Variants in GRM5 observed in about 807,000 individuals in gnomAD.
GRM5 encodes the protein glutamate metabotropic receptor 5, also known as metabotropic glutamate receptor 5.
GRM5 carries 19 observed loss-of-function variants against 83.1 expected under a neutral mutation model. That is an observed-to-expected ratio of 0.23 (90% CI 0.16 to 0.34). The LOEUF (loss-of-function observed/expected upper bound fraction) is 0.34. Ranked by LOEUF, GRM5 falls within the 10% of genes least tolerant of loss-of-function variation. GRM5 has a pLI of 1.00. For synonymous variants in GRM5, 675 were observed against 633.6 expected, an observed-to-expected ratio of 1.07 and a Z score of -0.98; for missense variants, 1,160 against 1,588.3, an observed-to-expected ratio of 0.73 and a Z score of 4.58.
intron 2 of GRM5, among the ~76,000 whole-genome samples, chr11:88,964,736 T>C (rs368407390): frequency 1.3e-5 from 2 of 152,188 alleles, no homozygotes; most frequent in African/African-American, 4.8e-5. Flanking sequence ...TTCTTCAAGA[T>C]AGCCAAAGAA....
chr11:88,994,448 TATATATATATATA>T (rs1940102887), intron 2 of GRM5, among the ~76,000 whole-genome samples: 1 of 17,162 alleles, frequency 5.8e-5, no homozygotes, highest in Admixed American at 5.0e-4. Context: ...TAACTGATTA[TATATATATATATA>T]TATATATATA....
At chr11:88,817,297 T>A (rs1204821160) in intron 3 of GRM5, among the ~76,000 whole-genome samples, 2 of 152,140 alleles carry the variant, frequency 1.3e-5, no homozygotes, top group African/African-American at 4.8e-5. Context: ...AATGCTCTTT[T>A]GATTTAGGAA....
chr11:88,642,926 C>T, intron 4 of GRM5, among the ~76,000 whole-genome samples: 1 of 152,038 alleles, frequency 6.6e-6, no homozygotes, highest in East Asian at 1.9e-4. Flanking sequence ...CTGTCTTTTC[C>T]TGAGCTCCCC....
intron 2 of GRM5, among the ~76,000 whole-genome samples, chr11:88,892,874 G>A (rs1945169313): frequency 6.6e-6 from 1 of 151,974 alleles, no homozygotes; most frequent in Non-Finnish European, 1.5e-5. Flanking sequence ...AGTGAGTAGG[G>A]TGCCCATAAC....
chr11:89,015,185 A>G (rs1242459468), intron 2 of GRM5, among the ~76,000 whole-genome samples: 1 of 152,204 alleles, frequency 6.6e-6, no homozygotes, highest in East Asian at 1.9e-4. Context: ...TGAAATGAGC[A>G]TCCACTCATA....
chr11:88,686,072 G>C (rs1175387124), intron 3 of GRM5, among the ~76,000 whole-genome samples: 1 of 152,066 alleles, frequency 6.6e-6, no homozygotes, highest in Non-Finnish European at 1.5e-5. Context: ...CCCTGAAAAA[G>C]CTTCAGACAC....
At chr11:88,860,982 T>A (rs2135550864) in intron 2 of GRM5, among the ~76,000 whole-genome samples, 1 of 152,280 alleles carries the variant, frequency 6.6e-6, no homozygotes, top group South Asian at 2.1e-4. Context: ...AAAGAAAGAA[T>A]GCAAAATATC....
intron 3 of GRM5, among the ~76,000 whole-genome samples, chr11:88,815,942 G>A (rs368083796): frequency 0.016 from 2,336 of 149,322 alleles, 82 homozygotes; most frequent in African/African-American, 0.058. Flanking sequence ...GGCCGGGCGC[G>A]GTGGCTCACG....
At position 88,547,508 on chromosome 11, in the gene GRM5, C is replaced by G. The variant is rs534068827; in HGVS notation, c.2630+19545G>C. ...TCTTTGTGCCTGCCGTTATCTCTTGCTGGAATGCCTTCCCTATATAAGCAA... is the reference window on the plus strand; with the variant it reads ...TCTTTGTGCCTGCCGTTATCTCTTGGTGGAATGCCTTCCCTATATAAGCAA... On this transcript the variant is annotated intron_variant, in intron 8 of 9. Transcript: ENST00000305447. 3.9e-5 allele frequency among the ~76,000 whole-genome samples: 6 copies of G among 152,288 alleles called. No individual in the cohort carries two copies. In the South Asian group the frequency reaches 1.0e-3, roughly 26 times the overall value.
At chr11:88,713,577 C>G (rs1941330522) in intron 3 of GRM5, among the ~76,000 whole-genome samples, 1 of 152,018 alleles carries the variant, frequency 6.6e-6, no homozygotes, top group Non-Finnish European at 1.5e-5. Flanking sequence ...AATATTTACC[C>G]ATCTTCTTTT....
intron 8 of GRM5, among the ~76,000 whole-genome samples, chr11:88,544,139 C>T (rs1043277094): frequency 6.6e-6 from 1 of 152,106 alleles, no homozygotes. Flanking sequence ...GGATGACCCT[C>T]CCCAGATGCT....
intron 3 of GRM5, among the ~76,000 whole-genome samples, chr11:88,733,479 A>G (rs1591475472): frequency 6.6e-6 from 1 of 151,992 alleles, no homozygotes; most frequent in Admixed American, 6.6e-5. Context: ...CGGACTCTGA[A>G]TTATCTCTTT....
intron 2 of GRM5, among the ~76,000 whole-genome samples, chr11:89,012,725 A>G (rs1940738455): frequency 6.6e-6 from 1 of 152,206 alleles, no homozygotes; most frequent in Non-Finnish European, 1.5e-5. Context: ...CCCTACATTG[A>G]CCAAACATTA....
intron 3 of GRM5, among the ~76,000 whole-genome samples, chr11:88,776,377 T>A (rs1325570279): frequency 6.6e-6 from 1 of 152,178 alleles, no homozygotes; most frequent in Non-Finnish European, 1.5e-5. Context: ...CACTGATGGG[T>A]CTTGACTCTA....
chr11:88,536,658 A>T (rs1486154884), intron 8 of GRM5, among the ~76,000 whole-genome samples: 2 of 152,126 alleles, frequency 1.3e-5, no homozygotes, highest in Non-Finnish European at 2.9e-5. Context: ...CCTCAGGTGA[A>T]ATTTGGATCA....
chr11:88,820,331 C>A, intron 3 of GRM5, among the ~76,000 whole-genome samples: 1 of 129,698 alleles, frequency 7.7e-6, no homozygotes, highest in Non-Finnish European at 1.5e-5. Context: ...GCTGAGATGG[C>A]ATCACAGCAC....
chr11:88,599,267 G>A (rs1164821697), intron 5 of GRM5, among the ~76,000 whole-genome samples: 1 of 152,150 alleles, frequency 6.6e-6, no homozygotes. Context: ...ATTTGACAGG[G>A]AACTTGTTTT....
intron 2 of GRM5, among the ~76,000 whole-genome samples, chr11:88,921,801 A>G (rs1254747876): frequency 2.6e-5 from 4 of 152,176 alleles, no homozygotes; most frequent in Non-Finnish European, 1.5e-5. Context: ...ATTGTAAAAG[A>G]AAAAATCAAA....
chr11:88,879,654 T>C (rs565756420), intron 2 of GRM5, among the ~76,000 whole-genome samples: 2 of 152,192 alleles, frequency 1.3e-5, no homozygotes, highest in East Asian at 3.9e-4. Flanking sequence ...TCTGTATTTA[T>C]ATGAGCATAT....
Sources: allele counts gnomAD v4.1 joint callset (sites outside exome capture counted in the v4.1 genomes callset), GRCh38; gene constraint gnomAD v4.1.1; transcripts MANE v1.5; gene names NCBI Gene and HGNC (gene_info 2026-07-23, HGNC 2026-07-21).